SNX19: variants seen among roughly 807,000 people sequenced by gnomAD.
The protein encoded by SNX19 is sorting nexin 19, also known as sorting nexin-19.
SNX19 carries 60 observed loss-of-function variants against 85.2 expected under a neutral mutation model. The ratio of observed to expected loss-of-function variants is 0.70; its 90% confidence interval spans 0.57 to 0.87. The LOEUF is 0.87. Ranked by LOEUF, SNX19 falls within the 40% of genes least tolerant of loss-of-function variation. The probability of loss-of-function intolerance (pLI) is 0.00; values close to 1 mark genes in which losing one functional copy is unlikely to be tolerated. For synonymous variants in SNX19, 520 were observed against 470.0 expected (o/e 1.11, Z -1.38); for missense variants, 1,201 against 1,217.8 (o/e 0.99, Z 0.21).
In SNX19 at chr11:130,872,029, C is replaced by T. The variant is rs768942784; in HGVS notation, c.*6393G>A. 3.3e-5 allele frequency among the ~76,000 whole-genome samples: 5 copies of T among 151,922 alleles called. No individual in the cohort carries two copies. The highest frequency in any genetic ancestry group is 7.4e-5 in the Non-Finnish European group (5 of 67,982). ...ACCTTCGTTTTGTTTTTTTAATTCT[C>T]CCCTCCTAAGCTTCCACATCCCAGA... On this transcript the variant is annotated 3_prime_UTR_variant, in exon 11 of 11. Coordinates refer to ENST00000265909, the MANE Select transcript of SNX19 (RefSeq NM_014758.3).
In SNX19 at chr11:130,868,038, T is replaced by G. The variant is rs1942846970; in HGVS notation, c.*10384A>C. The G allele has an allele frequency of 6.6e-6, 1 of 152,196 alleles. No individual in the cohort carries two copies. Among genetic ancestry groups the G allele is most frequent in the Non-Finnish European group, 1.5e-5 (1 of 68,030 alleles). 9.4% of individuals were successfully genotyped at this position (152,196 alleles called of 1,614,324 possible). On this transcript the variant is annotated 3_prime_UTR_variant, in exon 11 of 11. Coordinates refer to ENST00000265909, the MANE Select transcript of SNX19 (RefSeq NM_014758.3). Reference sequence around the variant, plus strand: ...GAACGAAATGATTTTTTAAAAAATCTCTTCTCTGAAATGGCTTCTCTGCCT... The same window carrying G: ...GAACGAAATGATTTTTTAAAAAATCGCTTCTCTGAAATGGCTTCTCTGCCT...
At position 130,916,103 on chromosome 11, in the gene SNX19, CAG is replaced by C. The variant is rs1946569031; in HGVS notation, c.-166_-165del. Reference sequence around the variant, plus strand: ...AAGTCCTACAGGCACTGCAAAGCGACAGCTGCAGCTCCGCGTCTCCCCATGGC... The same window carrying C: ...AAGTCCTACAGGCACTGCAAAGCGACCTGCAGCTCCGCGTCTCCCCATGGC... On this transcript the variant is annotated 5_prime_UTR_variant, in exon 1 of 11. An upstream open reading frame in the 5' UTR loses its in-frame stop. Coordinates refer to ENST00000265909, the MANE Select transcript of SNX19 (RefSeq NM_014758.3). The C allele has an allele frequency of 1.6e-6, 1 of 623,978 alleles. No homozygotes were observed. The highest frequency in any genetic ancestry group is 2.8e-6 in the Non-Finnish European group (1 of 358,186). 38.7% of individuals were successfully genotyped at this position (623,978 alleles called of 1,614,324 possible).
Position 130,915,512 on chromosome 11 carries a change from C to T in SNX19, c.428G>A (p.Arg143Gln), listed in dbSNP as rs917787484. Residue 143 changes from arginine to glutamine, a missense_variant, in exon 1 of 11, where the codon CGG becomes CAG. Arg to Gln is a conservative substitution (Grantham distance 43, BLOSUM62 1). Coordinates refer to ENST00000265909, the MANE Select transcript of SNX19 (RefSeq NM_014758.3). ...ACTGTCCATCACGCTCATCCTTCTC[C>T]GAAGCTCCTGGACCAACCCTTTCAT... ...AAMKGLVQEL[R>Q]RRMSVMDSHA... 1.9e-6 allele frequency: 3 copies of T among 1,614,090 alleles called. No homozygotes were observed. Among genetic ancestry groups the T allele is most frequent in the African/African-American group, 1.3e-5 (1 of 74,924 alleles).
intron 1 of SNX19, among the ~76,000 whole-genome samples, chr11:130,913,072 A>C (rs1946264570): frequency 6.6e-6 from 1 of 152,216 alleles, no homozygotes; most frequent in African/African-American, 2.4e-5. Flanking sequence ...CAACAACAAA[A>C]AAGAACAAAT....
In SNX19 at chr11:130,915,874, G is replaced by A. The variant is rs1946551029; in HGVS notation, c.66C>T (p.Asn22=). Residue 22 remains asparagine, a synonymous_variant, in exon 1 of 11, where the codon AAC becomes AAT. Transcript: ENST00000265909. ...CCATCAGCTTCCGGCTACTCAACAG[G>A]TTATTGAGGTGACAGCTCGATCCAG... The part of the protein sequence containing the change: ...TPAGSSCHLN[N]LLSSRKLMAV... 6.2e-7 allele frequency: 1 copy of A among 1,614,106 alleles called. No individual in the cohort carries two copies. The highest frequency in any genetic ancestry group is 8.5e-7 in the Non-Finnish European group (1 of 1,180,044).
In SNX19 at chr11:130,875,626, T is replaced by C. The variant is rs1460144599; in HGVS notation, c.*2796A>G. 6.7e-6 allele frequency: 1 copy of C among 149,488 alleles called. No individual in the cohort carries two copies. The highest frequency in any genetic ancestry group is 1.5e-5 in the Non-Finnish European group (1 of 67,840). 9.3% of individuals were successfully genotyped at this position (149,488 alleles called of 1,614,324 possible). ...TAAAATTTATACATGCTCTCACTCATAGGTGGGAATTGAACAATGAGAACA... is the reference window on the plus strand; with the variant it reads ...TAAAATTTATACATGCTCTCACTCACAGGTGGGAATTGAACAATGAGAACA... On this transcript the variant is annotated 3_prime_UTR_variant, in exon 11 of 11. Transcript: ENST00000265909.
rs902322964 is a variant in SNX19, at chr11:130,895,287, G to T, written c.2573+7968C>A. 1.0e-5 allele frequency: 10 copies of T among 977,528 alleles called. No homozygotes were observed. The East Asian group carries it at 4.5e-4, about 44-fold the overall frequency. The allele number at this position is 977,528 out of a possible 1,614,324, so 60.6% of individuals were successfully genotyped here. ...CTGAAGATCTGGGTATGCCCTGTGT[G>T]GAGGGAATGAAAGACTCAGTTTCCA... On this transcript the variant is annotated intron_variant, in intron 8 of 10. Coordinates refer to ENST00000265909, the MANE Select transcript of SNX19 (RefSeq NM_014758.3).
intron 8 of SNX19, among the ~76,000 whole-genome samples, chr11:130,895,519 T>A (rs1043585857): frequency 6.6e-6 from 1 of 152,210 alleles, no homozygotes; most frequent in African/African-American, 2.4e-5. Flanking sequence ...GATGCTGACA[T>A]ACATTCTAAA....
intron 3 of SNX19, 41 bp downstream of exon 3, chr11:130,910,229 A>G: frequency 1.3e-5 from 21 of 1,612,884 alleles, no homozygotes; most frequent in Non-Finnish European, 1.6e-5. Flanking sequence ...TTAGACACCC[A>G]GGTTAAAGTG....
intron 8 of SNX19, among the ~76,000 whole-genome samples, chr11:130,882,536 C>T (rs1390131385): frequency 6.6e-6 from 1 of 152,190 alleles, no homozygotes; most frequent in Non-Finnish European, 1.5e-5. Context: ...GAATGGCAGC[C>T]ATCGATGGAG....
Position 130,868,485 on chromosome 11 carries a change from C to A in SNX19, c.*9937G>T, listed in dbSNP as rs1477770769. Reference sequence around the variant, plus strand: ...TTATGAGATGGGTCATAGTTAAGAGCTGCCAGCCTGGGGTCTGTTTCTGGG... The same window carrying A: ...TTATGAGATGGGTCATAGTTAAGAGATGCCAGCCTGGGGTCTGTTTCTGGG... On this transcript the variant is annotated 3_prime_UTR_variant, in exon 11 of 11. Transcript: ENST00000265909. 6.6e-6 allele frequency: 1 copy of A among 152,212 alleles called. No individual in the cohort carries two copies. Among genetic ancestry groups the A allele is most frequent in the Non-Finnish European group, 1.5e-5 (1 of 68,078 alleles). 9.4% of individuals were successfully genotyped at this position (152,212 alleles called of 1,614,324 possible). A position where few individuals can be genotyped will look rare whatever the true frequency, so the allele number is the denominator to read the frequency against.
intron 1 of SNX19, among the ~76,000 whole-genome samples, chr11:130,912,986 T>C (rs1355749142): frequency 2.0e-5 from 3 of 152,250 alleles, no homozygotes; most frequent in Non-Finnish European, 4.4e-5. Flanking sequence ...TAATTGGCTA[T>C]ATTATTTCGT....
intron 8 of SNX19, among the ~76,000 whole-genome samples, chr11:130,900,482 G>A (rs1026823858): frequency 6.6e-6 from 1 of 152,018 alleles, no homozygotes; most frequent in Non-Finnish European, 1.5e-5. Flanking sequence ...CCAGGGCCCC[G>A]GCCACATGAA....
intron 7 of SNX19, among the ~76,000 whole-genome samples, chr11:130,905,498 G>A (rs1369874536): frequency 1.3e-5 from 2 of 152,196 alleles, no homozygotes; most frequent in Non-Finnish European, 1.5e-5. Flanking sequence ...CACCCTGGAA[G>A]AGTGTGTAGA....
In SNX19 at chr11:130,889,409, C is replaced by A. The variant is rs117124134; in HGVS notation, c.2574-8603G>T. On this transcript the variant is annotated intron_variant, in intron 8 of 10. Transcript: ENST00000265909. The stretch of plus-strand genomic sequence containing the variant: ...CCCCCCGACCCCCCAGAAAAAGACT[C>A]TTAAGGTTTTGAAGGCAGAAATCTT... Among the ~76,000 whole-genome samples, 195 of 152,146 alleles carry A rather than the reference C, an allele frequency of 1.3e-3. 2 individuals carry two copies. In the East Asian group the frequency reaches 0.027, roughly 21 times the overall value.
At position 130,914,298 on chromosome 11, in the gene SNX19, C is replaced by A; in HGVS notation, c.1642G>T (p.Gly548Ter). The A allele has an allele frequency of 6.3e-7, 1 of 1,599,844 alleles. No homozygotes were observed. The highest frequency in any genetic ancestry group is 8.5e-7 in the Non-Finnish European group (1 of 1,172,710). ...GTATAGAGTGTGTATGGGTGGAATC[C>A]AGTGCCACTGTGCTCTCGGGCTGTA... ...TITAREHSGTGFHPYTLYTVK... is the reference protein window; with the variant it reads ...TITAREHSGT The change falls in exon 1 of 11, where the codon GGA becomes TGA. Residue 548 changes from glycine to a stop codon, truncating the protein, a stop_gained. Transcript: ENST00000265909. LOFTEE classifies it high-confidence loss of function.
Position 130,907,890 on chromosome 11 carries a change from C to G in SNX19, c.2165+63G>C, listed in dbSNP as rs972548964. On this transcript the variant is annotated intron_variant, in intron 5 of 10. Coordinates refer to ENST00000265909, the MANE Select transcript of SNX19 (RefSeq NM_014758.3). ...GGCTTGAGAATAGGGTGAGTGTTGG[C>G]TGAGGATTGGGGATCAATTTGAGAA... 1.0e-5 allele frequency: 16 copies of G among 1,598,510 alleles called. No homozygotes were observed. In the African/African-American group the frequency reaches 1.2e-4, roughly 12 times the overall value.
At position 130,872,893 on chromosome 11, in the gene SNX19, T is replaced by C. The variant is rs10160281; in HGVS notation, c.*5529A>G. 0.44 allele frequency among the ~76,000 whole-genome samples: 66,532 copies of C among 152,016 alleles called. 14,856 individuals are homozygous for C. The highest frequency in any genetic ancestry group is 0.56 in the South Asian group (2,716 of 4,816). ...CATCTTGCTCCAGTGCAAAGTTAGA[T>C]TGGACAAACAGCCGGTGTGGAGGGG... On this transcript the variant is annotated 3_prime_UTR_variant, in exon 11 of 11. Transcript: ENST00000265909.
intron 9 of SNX19, among the ~76,000 whole-genome samples, chr11:130,880,224 C>G (rs1943557940): frequency 6.6e-6 from 1 of 152,224 alleles, no homozygotes; most frequent in South Asian, 2.1e-4. Flanking sequence ...ATGTGATTTT[C>G]TTCCTTGGTC....
Sources: allele counts gnomAD v4.1 joint callset (sites outside exome capture counted in the v4.1 genomes callset), GRCh38; gene constraint gnomAD v4.1.1; transcripts MANE v1.5; gene names NCBI Gene and HGNC (gene_info 2026-07-23, HGNC 2026-07-21).